USP24: variants seen among roughly 807,000 people sequenced by gnomAD.
USP24 encodes ubiquitin specific peptidase 24.
Under a neutral mutation model 361.6 loss-of-function variants are expected in USP24, and 97 were observed. That is an observed-to-expected ratio of 0.27 (90% CI 0.23 to 0.32). The LOEUF (loss-of-function observed/expected upper bound fraction) is 0.32. Among genes scored for constraint, USP24 ranks in the 10% least tolerant of loss-of-function variants. USP24 has a pLI of 1.00. For synonymous variants in USP24, 1,098 were observed against 1,124.6 expected, an observed-to-expected ratio of 0.98 and a Z score of 0.47; for missense variants, 2,353 against 3,165.6, an observed-to-expected ratio of 0.74 and a Z score of 6.16.
In USP24 at chr1:55,138,608, C is replaced by T. The variant is rs1323748334; in HGVS notation, c.2928G>A (p.Glu976=). The T allele has an allele frequency of 6.2e-7, 1 of 1,602,576 alleles. No individual in the cohort carries two copies. Among genetic ancestry groups the T allele is most frequent in the Non-Finnish European group, 8.5e-7 (1 of 1,172,320 alleles). Residue 976 remains glutamate, a splice_region_variant and synonymous_variant, in exon 26 of 68, where the codon GAG becomes GAA. Transcript: ENST00000294383. ...GCTGTAGTTCTTAATGTAAACCTACCTCGACAGTGAAGGTATCTTTGGTAG... is the reference window on the plus strand; with the variant it reads ...GCTGTAGTTCTTAATGTAAACCTACTTCGACAGTGAAGGTATCTTTGGTAG... ...YESTKDTFTV[E]AHSNETIGSV...
chr1:55,137,908 T>TA lies in USP24; in HGVS notation c.2929-5dup, dbSNP rs138332336. The TA allele has an allele frequency of 0.031, 48,809 of 1,572,694 alleles. 872 individuals carry two copies. The highest frequency in any genetic ancestry group is 0.036 in the Non-Finnish European group (41,136 of 1,157,944). ...CTATGGTTTCATTACTGTGAGCCTG[T>TA]AAAATAAAATTAAACACGTTGTGAG... On this transcript the variant is annotated splice_region_variant and splice_polypyrimidine_tract_variant and intron_variant, in intron 26 of 67. Coordinates refer to ENST00000294383, the MANE Select transcript of USP24 (RefSeq NM_015306.3).
chr1:55,098,130 A>G (rs1645538898), intron 46 of USP24, 46 bp from the exon 47 acceptor site: 2 of 1,519,748 alleles, frequency 1.3e-6, no homozygotes, highest in South Asian at 2.7e-5. Flanking sequence ...ATGGAATTTA[A>G]AACTCTTCAA....
At chr1:55,162,372 G>T in intron 7 of USP24, 108 bp from the exon 8 acceptor site, 1 of 928,648 alleles carries the variant, frequency 1.1e-6, no homozygotes, top group Non-Finnish European at 1.5e-6. Context: ...ATAGTGAGTT[G>T]ATCAAGTCAT....
chr1:55,076,072 C>T lies in USP24; in HGVS notation c.7381-549G>A, dbSNP rs368771143. ...TAAGAGAAAAAACTATTAAGTTATA[C>T]TTAAAGGTCTATTCATTTCCTATCT... is the stretch of plus-strand genomic sequence containing the variant. On this transcript the variant is annotated intron_variant, in intron 62 of 67. Transcript: ENST00000294383. 8.5e-4 allele frequency among the ~76,000 whole-genome samples: 130 copies of T among 152,246 alleles called. 4 individuals are homozygous for T. The South Asian group carries it at 0.025, about 30-fold the overall frequency.
chr1:55,145,173 T>C (rs1433691924), intron 20 of USP24, among the ~76,000 whole-genome samples: 1 of 152,072 alleles, frequency 6.6e-6, no homozygotes, highest in Non-Finnish European at 1.5e-5. Flanking sequence ...CCAAGAGAAA[T>C]GCAAACTCGT....
intron 12 of USP24, among the ~76,000 whole-genome samples, chr1:55,155,860 C>T (rs943960070): frequency 3.9e-5 from 6 of 152,122 alleles, no homozygotes; most frequent in Admixed American, 3.3e-4. Context: ...TTTGACAGTT[C>T]CAGCACTTAA....
chr1:55,106,569 T>C (rs1249454850), intron 40 of USP24, among the ~76,000 whole-genome samples: 1 of 152,178 alleles, frequency 6.6e-6, no homozygotes, highest in Non-Finnish European at 1.5e-5. Flanking sequence ...CAAGGCAGAA[T>C]GGTTTGAGTG....
Position 55,178,119 on chromosome 1 carries a change from T to C in USP24, c.338A>G (p.Asn113Ser). Residue 113 changes from asparagine (N) to serine (S), a missense_variant, in exon 2 of 68, where the codon AAT becomes AGT. This residue lies in a region of USP24 where 253 missense variants were observed against 255.3 expected (regional missense o/e 0.99). Coordinates refer to ENST00000294383, the MANE Select transcript of USP24 (RefSeq NM_015306.3). Reference protein sequence around the residue: ...EVVDAEKNDENGNCSGEGIEF... With the variant: ...EVVDAEKNDESGNCSGEGIEF... ...AATTCCTTCCCCTGAGCAGTTTCCA[T>C]TCTCATCATTCTTCTGACGAAAAGG... is the stretch of plus-strand genomic sequence containing the variant. The C allele has an allele frequency of 7.1e-6, 11 of 1,550,756 alleles. No homozygotes were observed. Among genetic ancestry groups the C allele is most frequent in the South Asian group, 1.2e-5 (1 of 83,946 alleles).
chr1:55,121,061 G>A (rs1426646472), intron 37 of USP24, among the ~76,000 whole-genome samples: 2 of 152,204 alleles, frequency 1.3e-5, no homozygotes, highest in Non-Finnish European at 2.9e-5. Context: ...ATGTAAGAAT[G>A]TCAGAACTAT....
Position 55,104,144 on chromosome 1 carries a change from G to C in USP24, c.4881-124C>G, listed in dbSNP as rs1049454112. On this transcript the variant is annotated intron_variant, in intron 41 of 67. Coordinates refer to ENST00000294383, the MANE Select transcript of USP24 (RefSeq NM_015306.3). ...AATTCCTCAAACATACTTAAGTCAG[G>C]TCTAACCCCAGACATCCAGTAATCC... 10 of 1,216,204 alleles carry C rather than the reference G, an allele frequency of 8.2e-6. No individual in the cohort carries two copies. In the African/African-American group the frequency reaches 1.4e-4, roughly 17 times the overall value. 75.3% of individuals were successfully genotyped at this position (1,216,204 alleles called of 1,614,324 possible).
Position 55,103,897 on chromosome 1 carries a change from A to G in USP24, c.5004T>C (p.Pro1668=). 6.2e-7 allele frequency: 1 copy of G among 1,612,916 alleles called. No homozygotes were observed. Among genetic ancestry groups the G allele is most frequent in the East Asian group, 2.2e-5 (1 of 44,858 alleles). The change falls in exon 42 of 68, where the codon CCT becomes CCC. Residue 1668 remains proline, a synonymous_variant. Transcript: ENST00000294383. ...CTACATCAAACTCCTTGGTAAGAGC[A>G]GGGTCAGGCTGGTGATGCATAGAAA... ...ELLSMHHQPD[P]ALTKEFDYLP...
chr1:55,193,631 T>TA lies in USP24; in HGVS notation c.325-15500dup, dbSNP rs1248176926. ...AGAGATATGGTAAAGGGGATTGAGA[T>TA]AAATTCAGATGAGAGCAATATGAGT... On this transcript the variant is annotated intron_variant, in intron 1 of 67. Coordinates refer to ENST00000294383, the MANE Select transcript of USP24 (RefSeq NM_015306.3). Among the ~76,000 whole-genome samples, 4 of 152,128 alleles carry TA rather than the reference T, an allele frequency of 2.6e-5. No homozygotes were observed. The East Asian group carries it at 7.7e-4, about 29-fold the overall frequency.
rs1422551724 is a variant in USP24, at chr1:55,101,608, C to T, written c.5121G>A (p.Leu1707=). 1 of 1,612,406 alleles carries T rather than the reference C, an allele frequency of 6.2e-7. No individual in the cohort carries two copies. The highest frequency in any genetic ancestry group is 1.1e-5 in the South Asian group (1 of 90,522). ...CCTCAGGGAGCCCAGGTTGCATATA[C>T]AGCTGCTGGAAGACTGCATTCATAT... is the stretch of plus-strand genomic sequence containing the variant. ...TCYMNAVFQQ[L]YMQPGLPESL... Residue 1707 remains leucine, a synonymous_variant, in exon 43 of 68, where the codon CTG becomes CTA. Coordinates refer to ENST00000294383, the MANE Select transcript of USP24 (RefSeq NM_015306.3).
At position 55,156,724 on chromosome 1, in the gene USP24, A is replaced by G. The variant is rs191229266; in HGVS notation, c.1446+224T>C. Among the ~76,000 whole-genome samples, 340 of 152,286 alleles carry G rather than the reference A, an allele frequency of 2.2e-3. 1 individual carries two copies. Among genetic ancestry groups the G allele is most frequent in the African/African-American group, 8.1e-3 (336 of 41,570 alleles). On this transcript the variant is annotated intron_variant, in intron 12 of 67. Transcript: ENST00000294383. The stretch of plus-strand genomic sequence containing the variant: ...TATGACCTTCTCATTTTTTAATTTA[A>G]AAAATTAGAAGACCAGACTAGATCA...
chr1:55,180,866 T>C (rs1041286682), intron 1 of USP24, among the ~76,000 whole-genome samples: 4 of 152,192 alleles, frequency 2.6e-5, no homozygotes, highest in African/African-American at 9.7e-5. Flanking sequence ...ACCACCTCTG[T>C]ATCTCTAGAA....
Position 55,126,586 on chromosome 1 carries a change from A to G in USP24, c.3636-828T>C, listed in dbSNP as rs568369345. ...TACATGAATTAAATGACATACACAA[A>G]TAAGCCAAATGTTCAATGTCTTTAT... On this transcript the variant is annotated intron_variant, in intron 32 of 67. Transcript: ENST00000294383. Among the ~76,000 whole-genome samples, 9 of 152,386 alleles carry G rather than the reference A, an allele frequency of 5.9e-5. No homozygotes were observed. In the East Asian group the frequency reaches 1.5e-3, roughly 26 times the overall value.
chr1:55,071,271 A>C, intron 67 of USP24: 1 of 988,590 alleles, frequency 1.0e-6, no homozygotes, highest in African/African-American at 1.7e-5. Context: ...CACTTAGTTC[A>C]GTGTTTGCAC....
intron 1 of USP24, among the ~76,000 whole-genome samples, chr1:55,192,749 A>C (rs1317944017): frequency 6.6e-6 from 1 of 152,224 alleles, no homozygotes; most frequent in African/African-American, 2.4e-5. Context: ...ATAATTCCTA[A>C]AATATTGCTT....
intron 38 of USP24, among the ~76,000 whole-genome samples, chr1:55,118,202 A>G (rs1646176075): frequency 1.3e-5 from 2 of 152,218 alleles, no homozygotes; most frequent in African/African-American, 4.8e-5. Flanking sequence ...AAAGACTCAT[A>G]CTTCCTGATT....
Sources: gnomAD v4.1 joint callset for allele counts (sites outside exome capture counted in the v4.1 genomes callset) on GRCh38, gnomAD v4.1.1 for gene constraint, gnomAD v4.1.1 regional missense constraint, MANE v1.5 for transcripts, NCBI Gene and HGNC (gene_info 2026-07-23, HGNC 2026-07-21) for gene names.